Variants in WDPCP observed in about 807,000 individuals in gnomAD.
WDPCP encodes WD repeat containing planar cell polarity effector, also known as WD repeat-containing and planar cell polarity effector protein fritz homolog.
WDPCP carries 71 observed loss-of-function variants against 93.1 expected under a neutral mutation model. The ratio of observed to expected loss-of-function variants is 0.76; its 90% CI spans 0.63 to 0.93. WDPCP has a LOEUF of 0.93. WDPCP is among the 40% of genes least tolerant of loss of function. The probability of loss-of-function intolerance (pLI) is 0.00; values close to 1 mark genes in which losing one functional copy is unlikely to be tolerated. For missense variants in WDPCP, 844 were observed against 887.4 expected (o/e 0.95, Z 0.62); for synonymous variants, 315 against 315.0 (o/e 1.00, Z 0.00).
At chr2:63,660,011 C>G (rs1710208761) in intron 2 of WDPCP, among the ~76,000 whole-genome samples, 1 of 152,150 alleles carries the variant, frequency 6.6e-6, no homozygotes, top group African/African-American at 2.4e-5. Context: ...TTACCCTTAT[C>G]TCTTTTTAGA....
At chr2:63,127,724 C>T (rs1670022117) in intron 17 of WDPCP, among the ~76,000 whole-genome samples, 1 of 149,848 alleles carries the variant, frequency 6.7e-6, no homozygotes. Flanking sequence ...TATATGCACA[C>T]ACTCCCTATT....
intron 2 of WDPCP, among the ~76,000 whole-genome samples, chr2:63,740,738 ACAATTTCCATAATACATT>A (rs1397943729): frequency 2.6e-5 from 4 of 152,128 alleles, no homozygotes; most frequent in African/African-American, 9.7e-5. Flanking sequence ...TCCTCAAACC[ACAATTTCCATAATACATT>A]AAGAAGTTTA....
At chr2:63,588,124 C>G in intron 1 of WDPCP, 73 bp downstream of exon 1, 1 of 1,516,818 alleles carries the variant, frequency 6.6e-7, no homozygotes, top group African/African-American at 1.4e-5. Flanking sequence ...AAAAGCAAAG[C>G]GGGACGGCGC....
At position 63,401,557 on chromosome 2, in the gene WDPCP, TC is replaced by T. The variant is rs542906689; in HGVS notation, c.1435+2490del. Among the ~76,000 whole-genome samples, 927 of 152,246 alleles carry T rather than the reference TC, an allele frequency of 6.1e-3. 10 individuals are homozygous for T. Among genetic ancestry groups the T allele is most frequent in the Admixed American group, 0.02 (313 of 15,288 alleles). On this transcript the variant is annotated intron_variant, in intron 10 of 17. Coordinates refer to ENST00000272321, the MANE Select transcript of WDPCP (RefSeq NM_015910.7). ...GGGAAGCTGAGGCAGGCAGATCACT[TC>T]AGGTCAGGATTTGAGACCAGCTCAA...
At chr2:63,318,506 G>C (rs749101863) in intron 12 of WDPCP, among the ~76,000 whole-genome samples, 10 of 152,288 alleles carry the variant, frequency 6.6e-5, no homozygotes, top group Non-Finnish European at 1.5e-4. Context: ...GAAGGACATG[G>C]AATCAACCTA....
chr2:63,532,234 G>C (rs936479399), intron 1 of WDPCP, among the ~76,000 whole-genome samples: 2 of 152,196 alleles, frequency 1.3e-5, no homozygotes, highest in Admixed American at 6.5e-5. Flanking sequence ...ATCTACGTCT[G>C]ATTGGTGTAC....
chr2:63,705,131 G>GA (rs1245211965), intron 2 of WDPCP, among the ~76,000 whole-genome samples: 7 of 152,234 alleles, frequency 4.6e-5, no homozygotes, highest in Admixed American at 2.0e-4. Context: ...ATTTCTGTGG[G>GA]ATCGGTGGTG....
At chr2:63,558,542 A>G (rs200795862) in intron 1 of WDPCP, among the ~76,000 whole-genome samples, 1 of 119,162 alleles carries the variant, frequency 8.4e-6, no homozygotes, top group South Asian at 2.7e-4. Context: ...AAAAAAAAAA[A>G]AAAGAAAAAG....
chr2:63,686,709 G>A (rs528098269), intron 2 of WDPCP, among the ~76,000 whole-genome samples: 12 of 152,198 alleles, frequency 7.9e-5, no homozygotes, highest in South Asian at 2.1e-4. Flanking sequence ...AATGGTACTC[G>A]CATAAAAACA....
At chr2:63,599,177 T>C in intron 3 of WDPCP, 1 of 1,613,682 alleles carries the variant, frequency 6.2e-7, no homozygotes, top group Non-Finnish European at 8.5e-7. Context: ...TAGGTTATTG[T>C]TGTGGGTAAT....
intron 13 of WDPCP, among the ~76,000 whole-genome samples, chr2:63,307,322 T>A (rs1350032571): frequency 6.6e-6 from 1 of 152,076 alleles, no homozygotes; most frequent in South Asian, 2.1e-4. Context: ...CCAAAATAAT[T>A]TATAGACTCA....
At chr2:63,183,464 A>G (rs1674396168) in intron 14 of WDPCP, among the ~76,000 whole-genome samples, 1 of 152,038 alleles carries the variant, frequency 6.6e-6, no homozygotes, top group Admixed American at 6.5e-5. Flanking sequence ...ATTGATTTAT[A>G]GTTTTATTTT....
rs185309035 is a variant in WDPCP at position 63,704,986 on chromosome 2, A to G, written n.309-54148T>C. Among the ~76,000 whole-genome samples, 634 of 152,272 alleles carry G rather than the reference A, an allele frequency of 4.2e-3. 2 individuals are homozygous for G. The highest frequency in any genetic ancestry group is 0.014 in the African/African-American group (594 of 41,552). ...TGCCTCAATTTCAGAGCCTGTTATC[A>G]GTCTATTCAGAGATTAAAATTCTTC... On this transcript the variant is annotated intron_variant and non_coding_transcript_variant, in intron 2 of 4. Coordinates refer to the WDPCP transcript ENST00000467687.
chr2:63,707,492 A>AG (rs1281667105), intron 2 of WDPCP, among the ~76,000 whole-genome samples: 70 of 152,128 alleles, frequency 4.6e-4, no homozygotes, highest in African/African-American at 1.6e-3. Flanking sequence ...TCCCTTAAGT[A>AG]CTTCTCTGCA....
chr2:63,271,090 C>T (rs918743614), intron 13 of WDPCP, among the ~76,000 whole-genome samples: 1 of 152,228 alleles, frequency 6.6e-6, no homozygotes, highest in African/African-American at 2.4e-5. Flanking sequence ...CTCTAGCCCA[C>T]ATACTGTCCT....
intron 14 of WDPCP, among the ~76,000 whole-genome samples, chr2:63,207,755 C>G (rs1056309305): frequency 2.0e-5 from 3 of 152,076 alleles, no homozygotes; most frequent in Non-Finnish European, 4.4e-5. Flanking sequence ...TCTTTCATTA[C>G]TACTATAAAG....
chr2:63,676,879 G>A (rs1390062719), intron 2 of WDPCP, among the ~76,000 whole-genome samples: 1 of 152,090 alleles, frequency 6.6e-6, no homozygotes, highest in Admixed American at 6.5e-5. Flanking sequence ...GCCAATGTTC[G>A]TTTTTTGGTT....
intron 2 of WDPCP, among the ~76,000 whole-genome samples, chr2:63,672,630 TTTTTA>T (rs953937030): frequency 6.6e-6 from 1 of 151,886 alleles, no homozygotes; most frequent in African/African-American, 2.4e-5. Context: ...TTTTATTTCA[TTTTTA>T]TTTTATTTTT....
intron 15 of WDPCP, among the ~76,000 whole-genome samples, chr2:63,161,792 C>T (rs1377867478): frequency 6.8e-6 from 1 of 146,850 alleles, no homozygotes; most frequent in East Asian, 2.0e-4. Context: ...GACACGGAGT[C>T]TTGCTCTGTT....
Sources: allele counts gnomAD v4.1 joint callset (sites outside exome capture counted in the v4.1 genomes callset), GRCh38; gene constraint gnomAD v4.1.1; transcripts MANE v1.5; gene names NCBI Gene and HGNC (gene_info 2026-07-23, HGNC 2026-07-21).